Variants in RECK observed in about 807,000 individuals in gnomAD.
RECK encodes the protein reversion inducing cysteine rich protein with kazal motifs, also known as reversion-inducing cysteine-rich protein with Kazal motifs.
A neutral mutation model predicts 115.1 loss-of-function variants in RECK; 69 were observed. That is an observed-to-expected ratio of 0.60 (90% CI 0.49 to 0.73). The LOEUF (loss-of-function observed/expected upper bound fraction) is 0.73. RECK is among the 30% of genes least tolerant of loss of function. The pLI, the probability that RECK is intolerant of heterozygous loss-of-function variation, is 0.00. For missense variants in RECK, 1,047 were observed against 1,203.7 expected (o/e 0.87, Z 1.93); for synonymous variants, 414 against 419.7 (o/e 0.99, Z 0.17).
Position 36,117,144 on chromosome 9 carries a change from A to G in RECK, c.2220A>G (p.Arg740=), listed in dbSNP as rs1229570756. The G allele has an allele frequency of 3.1e-6, 5 of 1,613,152 alleles. No individual in the cohort carries two copies. Among genetic ancestry groups the G allele is most frequent in the Non-Finnish European group, 3.4e-6 (4 of 1,179,446 alleles). Residue 740 remains arginine (R), a synonymous_variant, in exon 17 of 21, where the codon AGA becomes AGG. Coordinates refer to ENST00000377966, the MANE Select transcript of RECK (RefSeq NM_021111.3). ...ACAATCTCTGCACTTTATACCAAAG[A>G]GGAAAAAGCCTCTCTTACAAAGGTC... ...EHNNLCTLYQ[R]GKSLSYKGPC... is the part of the protein sequence containing the mutation.
chr9:36,118,833 A>G lies in RECK; in HGVS notation c.2330A>G (p.Asp777Gly). 1.2e-6 allele frequency: 2 copies of G among 1,614,182 alleles called. No individual in the cohort carries two copies. Among genetic ancestry groups the G allele is most frequent in the East Asian group, 4.5e-5 (2 of 44,886 alleles). Reference sequence around the variant, plus strand: ...AGCAGTGTGTGTGCTGCCTACTCGGATCGCGTGGCAGTCGATTACTATGGG... The same window carrying G: ...AGCAGTGTGTGTGCTGCCTACTCGGGTCGCGTGGCAGTCGATTACTATGGG... ...TYSSVCAAYS[D>G]RVAVDYYGDC... is the part of the protein sequence containing the mutation. Residue 777 changes from aspartate (D) to glycine (G), a missense_variant, in exon 18 of 21, where the codon GAT (aspartate) becomes GGT (glycine). Physicochemically the swap from Asp to Gly is moderately conservative, Grantham distance 94. Coordinates refer to ENST00000377966, the MANE Select transcript of RECK (RefSeq NM_021111.3).
chr9:36,102,190 A>G lies in RECK; in HGVS notation c.1395A>G (p.Thr465=), dbSNP rs1470974783. The change falls in exon 12 of 21, where the codon ACA becomes ACG. Residue 465 remains threonine (T), a synonymous_variant. Coordinates refer to ENST00000377966, the MANE Select transcript of RECK (RefSeq NM_021111.3). The part of the protein sequence containing the change: ...AESICELLSP[T]DDLKNCIPLD... ...GTATTTGTGAGCTTCTGTCACCTAC[A>G]GATGATCTGAAGAATTGTATACCTT... The G allele has an allele frequency of 1.2e-6, 2 of 1,613,836 alleles. No homozygotes were observed. The highest frequency in any genetic ancestry group is 2.7e-5 in the African/African-American group (2 of 75,060).
At chr9:36,048,049 A>G (rs983023078) in intron 1 of RECK, among the ~76,000 whole-genome samples, 1 of 150,130 alleles carries the variant, frequency 6.7e-6, no homozygotes, top group Non-Finnish European at 1.5e-5. Flanking sequence ...CTTTTATCTA[A>G]TATGTATACT....
chr9:36,039,638 G>C (rs1043529964), intron 1 of RECK, among the ~76,000 whole-genome samples: 3 of 152,290 alleles, frequency 2.0e-5, no homozygotes, highest in African/African-American at 7.2e-5. Context: ...CCTGATAATG[G>C]CTCCGTTTTT....
intron 5 of RECK, among the ~76,000 whole-genome samples, chr9:36,064,639 G>A (rs1322520773): frequency 2.0e-5 from 3 of 152,190 alleles, no homozygotes; most frequent in Non-Finnish European, 4.4e-5. Context: ...CCTATAGCCT[G>A]AGCAACAGTC....
At chr9:36,054,442 G>A (rs1410627782) in intron 2 of RECK, among the ~76,000 whole-genome samples, 1 of 149,418 alleles carries the variant, frequency 6.7e-6, no homozygotes, top group Non-Finnish European at 1.5e-5. Flanking sequence ...ACTGTCAGCA[G>A]TGTCAGATGC....
intron 12 of RECK, among the ~76,000 whole-genome samples, chr9:36,104,493 C>T (rs1196688852): frequency 1.4e-5 from 2 of 147,008 alleles, no homozygotes; most frequent in South Asian, 2.2e-4. Context: ...CATGCCACCA[C>T]GCCCAGCTAA....
chr9:36,110,587 G>C (rs1041844685), intron 15 of RECK, among the ~76,000 whole-genome samples: 3 of 152,158 alleles, frequency 2.0e-5, no homozygotes, highest in Non-Finnish European at 2.9e-5. Context: ...GAAAAGGCTA[G>C]TGAGATGGGA....
chr9:36,064,180 G>T (rs1821898386), intron 5 of RECK, among the ~76,000 whole-genome samples: 1 of 152,150 alleles, frequency 6.6e-6, no homozygotes. Flanking sequence ...CTGAATCAAT[G>T]CTGATGATGG....
chr9:36,093,712 A>C (rs1823244107), intron 10 of RECK, among the ~76,000 whole-genome samples: 1 of 152,210 alleles, frequency 6.6e-6, no homozygotes, highest in South Asian at 2.1e-4. Flanking sequence ...AATTTTTCCA[A>C]ATGTGATCAA....
At chr9:36,074,680 C>T (rs185412609) in intron 6 of RECK, among the ~76,000 whole-genome samples, 7 of 152,296 alleles carry the variant, frequency 4.6e-5, no homozygotes, top group Admixed American at 4.6e-4. Context: ...TTCTTTGTAA[C>T]ACAGTATATC....
intron 1 of RECK, among the ~76,000 whole-genome samples, chr9:36,042,033 TAAA>T (rs923054560): frequency 8.5e-5 from 13 of 152,146 alleles, no homozygotes; most frequent in African/African-American, 3.1e-4. Flanking sequence ...TTTTTCCTGT[TAAA>T]AAGACATTGT....
In RECK at chr9:36,094,057, C is replaced by A. The variant is rs534422630; in HGVS notation, c.1085+2714C>A. 6.6e-6 allele frequency among the ~76,000 whole-genome samples: 1 copy of A among 151,960 alleles called. No individual in the cohort carries two copies. The highest frequency in any genetic ancestry group is 1.9e-4 in the East Asian group (1 of 5,184). On this transcript the variant is annotated intron_variant, in intron 10 of 20. Transcript: ENST00000377966. This position sits in a 1 kb window ranked among gnomAD's most constrained non-coding sequence, Gnocchi z 4.1. Reference sequence around the variant, plus strand: ...TTCTAGATATTACAAAAAAAAACAACCTCAGAATTTTCTGCCAGCAATCTC... The same window carrying A: ...TTCTAGATATTACAAAAAAAAACAAACTCAGAATTTTCTGCCAGCAATCTC...
At chr9:36,049,047 G>A (rs1014516902) in intron 1 of RECK, among the ~76,000 whole-genome samples, 4 of 152,122 alleles carry the variant, frequency 2.6e-5, no homozygotes, top group African/African-American at 9.7e-5. Context: ...TTAAATAATG[G>A]TTTTAATATA....
intron 6 of RECK, among the ~76,000 whole-genome samples, chr9:36,067,136 A>G (rs1822035098): frequency 6.6e-6 from 1 of 152,176 alleles, no homozygotes; most frequent in African/African-American, 2.4e-5. Context: ...ACCTCACATA[A>G]CAGTCACTGT....
intron 8 of RECK, among the ~76,000 whole-genome samples, chr9:36,084,738 G>A (rs1003598237): frequency 4.7e-5 from 7 of 147,612 alleles, no homozygotes; most frequent in Non-Finnish European, 1.1e-4. Flanking sequence ...GGGAGGGAGG[G>A]AGGGAGGAAG....
chr9:36,107,444 C>T lies in RECK; in HGVS notation c.1577-532C>T, dbSNP rs560803045. Among the ~76,000 whole-genome samples the T allele has an allele frequency of 1.2e-3, 181 of 151,612 alleles. 2 individuals carry two copies. In the South Asian group the frequency reaches 0.013, roughly 11 times the overall value. On this transcript the variant is annotated intron_variant, in intron 13 of 20. Transcript: ENST00000377966. ...CTCTACTAAAAATACAAAAATTAGC[C>T]GGGTACAAAAATTAGCTGGGTGTGG...
intron 16 of RECK, 152 bp downstream of exon 16, chr9:36,112,628 G>A: frequency 2.3e-6 from 2 of 871,806 alleles, no homozygotes; most frequent in South Asian, 1.8e-5. Context: ...GCCATGTAAA[G>A]CTGCTTGATA....
intron 15 of RECK, among the ~76,000 whole-genome samples, chr9:36,110,641 A>G (rs1305939558): frequency 1.3e-5 from 2 of 152,236 alleles, no homozygotes; most frequent in African/African-American, 4.8e-5. Flanking sequence ...GCAACAGCAC[A>G]GTCTGCTGGT....
Sources: allele counts gnomAD v4.1 joint callset (sites outside exome capture counted in the v4.1 genomes callset), GRCh38; gene constraint gnomAD v4.1.1; non-coding constraint Gnocchi (gnomAD v3.1); transcripts MANE v1.5; gene names NCBI Gene and HGNC (gene_info 2026-07-23, HGNC 2026-07-21).